Variants in MED13 observed in about 807,000 individuals in gnomAD.
MED13 encodes the protein mediator complex subunit 13.
MED13 carries 23 observed loss-of-function variants against 225.2 expected under a neutral mutation model. The observed-to-expected ratio is 0.10, with a 90% CI of 0.07 to 0.14. The LOEUF is 0.14. MED13 is among the 10% of genes least tolerant of loss of function. The probability of loss-of-function intolerance (pLI) is 1.00; values close to 1 mark genes in which losing one functional copy is unlikely to be tolerated. For synonymous variants in MED13, 942 were observed against 889.2 expected, an observed-to-expected ratio of 1.06 and a Z score of -1.06; for missense variants, 2,197 against 2,594.5, an observed-to-expected ratio of 0.85 and a Z score of 3.33.
Position 61,961,004 on chromosome 17 carries a change from T to C in MED13, c.5343A>G (p.Gly1781=). Reference sequence around the variant, plus strand: ...GAACATTATATTTCTGTCCAGCTTCTCCAAATGTTTCTCCTAGCTCTGTCT... The same window carrying C: ...GAACATTATATTTCTGTCCAGCTTCCCCAAATGTTTCTCCTAGCTCTGTCT... ...DKQTELGETF[G]EAGQKYNVLF... is the part of the protein sequence containing the mutation. The change falls in exon 23 of 30, where the codon GGA becomes GGG. Residue 1781 remains glycine (G), a synonymous_variant. Transcript: ENST00000397786. 6.2e-7 allele frequency: 1 copy of C among 1,613,966 alleles called. No homozygotes were observed. The highest frequency in any genetic ancestry group is 8.5e-7 in the Non-Finnish European group (1 of 1,179,950).
intron 20 of MED13, among the ~76,000 whole-genome samples, chr17:61,964,249 A>C (rs2080033663): frequency 6.6e-6 from 1 of 152,228 alleles, no homozygotes; most frequent in Non-Finnish European, 1.5e-5. Context: ...TTTATGAAGT[A>C]AAGTCCTCAT....
At chr17:61,963,076 G>T in intron 20 of MED13, 105 bp from the exon 21 acceptor site, 1 of 855,140 alleles carries the variant, frequency 1.2e-6, no homozygotes, top group Non-Finnish European at 1.8e-6. Flanking sequence ...TTTGGTGAAA[G>T]GTGTCAGAAA....
rs5821345 is a variant in MED13 at position 61,990,627 on chromosome 17, G to GTATATATA, written c.2263+1905_2263+1912dup. ...TACACACACACACTTGGCGCACTGT[G>GTATATATA]TATATATATATATATATATATATAC... On this transcript the variant is annotated intron_variant, in intron 11 of 29. Transcript: ENST00000397786. Among the ~76,000 whole-genome samples the GTATATATA allele has an allele frequency of 3.0e-3, 417 of 138,990 alleles. 1 individual carries two copies. Among genetic ancestry groups the GTATATATA allele is most frequent in the African/African-American group, 8.9e-3 (322 of 36,350 alleles). The allele number at this position is 138,990 out of a possible 152,430, so 91.2% of individuals were successfully genotyped here. A position where few individuals can be genotyped will look rare whatever the true frequency, so the allele number is the denominator to read the frequency against.
intron 23 of MED13, among the ~76,000 whole-genome samples, chr17:61,959,004 C>CT (rs969211367): frequency 1.3e-3 from 184 of 145,954 alleles, no homozygotes; most frequent in Middle Eastern, 3.5e-3. Flanking sequence ...CACTGCCCCT[C>CT]TTTTTTTTTT....
intron 3 of MED13, among the ~76,000 whole-genome samples, chr17:62,044,059 ATCCTAACGCTACT>A (rs2143725087): frequency 6.6e-6 from 1 of 152,274 alleles, no homozygotes; most frequent in Non-Finnish European, 1.5e-5. Context: ...ACCAAAGGAC[ATCCTAACGCTACT>A]AATGGTTAAT....
chr17:61,986,427 G>A (rs1267429218), intron 12 of MED13, among the ~76,000 whole-genome samples: 2 of 152,076 alleles, frequency 1.3e-5, no homozygotes, highest in African/African-American at 2.4e-5. Flanking sequence ...ATTTGACAGA[G>A]ACTTGACATT....
At chr17:61,990,511 A>G (rs970368925) in intron 11 of MED13, among the ~76,000 whole-genome samples, 1 of 151,724 alleles carries the variant, frequency 6.6e-6, no homozygotes. Context: ...GTTGTGACAC[A>G]GAATATGAGT....
Position 62,065,227 on chromosome 17 carries a change from C to A in MED13, c.-22G>T, listed in dbSNP as rs1188012200. The A allele has an allele frequency of 1.3e-6, 2 of 1,542,650 alleles. No homozygotes were observed. Among genetic ancestry groups the A allele is most frequent in the South Asian group, 2.4e-5 (2 of 84,060 alleles). On this transcript the variant is annotated 5_prime_UTR_variant, in exon 1 of 30. Coordinates refer to ENST00000397786, the MANE Select transcript of MED13 (RefSeq NM_005121.3). ...TCATCGTCCCTCACAGCAGCCGCCG[C>A]CGGCGCCACAACCCACCATCCGCCA...
chr17:62,016,764 T>C (rs2080585792), intron 8 of MED13, among the ~76,000 whole-genome samples: 1 of 152,194 alleles, frequency 6.6e-6, no homozygotes, highest in Non-Finnish European at 1.5e-5. Flanking sequence ...ATCCCAGCAC[T>C]TTGGGAGGCC....
intron 8 of MED13, among the ~76,000 whole-genome samples, chr17:62,015,867 ATGTG>A (rs754140011): frequency 1.4e-4 from 11 of 77,208 alleles, no homozygotes; most frequent in East Asian, 5.6e-4. Flanking sequence ...TATAGTGTGT[ATGTG>A]TGTGTGTATA....
chr17:62,058,809 T>G (rs1013353401), intron 2 of MED13, among the ~76,000 whole-genome samples: 1 of 152,228 alleles, frequency 6.6e-6, no homozygotes, highest in Non-Finnish European at 1.5e-5. Context: ...TGCTCAACGG[T>G]ATTGACTTAC....
At chr17:62,006,523 C>T (rs750993549) in intron 9 of MED13, 1 of 152,196 alleles carries the variant, frequency 6.6e-6, no homozygotes, top group Non-Finnish European at 1.5e-5. Flanking sequence ...GACACCTATA[C>T]ACATTACATA....
At chr17:61,962,609 A>G (rs1343839959) in intron 21 of MED13, 143 bp downstream of exon 21, 1 of 614,606 alleles carries the variant, frequency 1.6e-6, no homozygotes, top group East Asian at 2.8e-5. Context: ...TCTAAGATTT[A>G]TATTATGATA....
At chr17:62,034,098 G>A in intron 4 of MED13, 114 bp from the exon 5 acceptor site, 1 of 817,040 alleles carries the variant, frequency 1.2e-6, no homozygotes, top group South Asian at 1.8e-5. Flanking sequence ...AAGGAAACCA[G>A]TAATAACCAT....
rs1328975407 is a variant in MED13, at chr17:61,944,062, T to A, written c.*2406A>T. On this transcript the variant is annotated 3_prime_UTR_variant, in exon 30 of 30. Coordinates refer to ENST00000397786, the MANE Select transcript of MED13 (RefSeq NM_005121.3). ...GGTTATTTAATAACTTTCCATTGAG[T>A]TTGAATGGATATATGAAGGGAAGAA... is the stretch of plus-strand genomic sequence containing the variant. The A allele has an allele frequency of 6.6e-6, 1 of 152,548 alleles. No individual in the cohort carries two copies. The allele number at this position is 152,548 out of a possible 1,614,324, so 9.4% of individuals were successfully genotyped here. A position where few individuals can be genotyped will look rare whatever the true frequency, so the allele number is the denominator to read the frequency against.
chr17:62,021,352 TGGCCGGGCGGGG>T (rs2080643448), intron 8 of MED13, among the ~76,000 whole-genome samples: 1 of 144,406 alleles, frequency 6.9e-6, no homozygotes, highest in Admixed American at 6.9e-5. Flanking sequence ...ACAGGGTGGC[TGGCCGGGCGGGG>T]GGCTGACCCC....
intron 12 of MED13, among the ~76,000 whole-genome samples, chr17:61,986,033 G>C (rs1038789821): frequency 2.6e-5 from 4 of 152,136 alleles, no homozygotes; most frequent in Non-Finnish European, 5.9e-5. Flanking sequence ...TCTTCTGTTA[G>C]ACAGTCTGTG....
chr17:62,039,253 A>G (rs1348956970), intron 3 of MED13, among the ~76,000 whole-genome samples: 1 of 152,192 alleles, frequency 6.6e-6, no homozygotes, highest in Non-Finnish European at 1.5e-5. Flanking sequence ...TTTAAAATAA[A>G]CCAAGTTTGT....
chr17:61,985,493 G>A (rs924794173), intron 12 of MED13, among the ~76,000 whole-genome samples: 5 of 152,098 alleles, frequency 3.3e-5, no homozygotes, highest in African/African-American at 1.2e-4. Flanking sequence ...TGGCCAACAT[G>A]GTGAAACCTC....
Sources: gnomAD v4.1 joint callset for allele counts (sites outside exome capture counted in the v4.1 genomes callset) on GRCh38, gnomAD v4.1.1 for gene constraint, MANE v1.5 for transcripts, NCBI Gene and HGNC (gene_info 2026-07-23, HGNC 2026-07-21) for gene names.